NRG1: variants seen among roughly 807,000 people sequenced by gnomAD.
NRG1 encodes the protein neuregulin 1.
Under a neutral mutation model 63.8 loss-of-function variants are expected in NRG1, and 18 were observed. The observed-to-expected ratio is 0.28, with a 90% CI of 0.19 to 0.42. The LOEUF (loss-of-function observed/expected upper bound fraction) is 0.42. NRG1 is among the 10% of genes least tolerant of loss of function. NRG1 has a pLI of 1.00. For synonymous variants in NRG1, 302 were observed against 301.3 expected (o/e 1.00, Z -0.02); for missense variants, 762 against 814.7 (o/e 0.94, Z 0.79).
intron 1 of NRG1, among the ~76,000 whole-genome samples, chr8:32,046,355 C>G (rs1820996694): frequency 6.6e-6 from 1 of 151,980 alleles, no homozygotes; most frequent in Non-Finnish European, 1.5e-5. Context: ...TATAGGGATA[C>G]AAAATGGCAA....
intron 1 of NRG1, among the ~76,000 whole-genome samples, chr8:32,385,335 T>G: frequency 6.6e-6 from 1 of 152,186 alleles, no homozygotes; most frequent in East Asian, 1.9e-4. Context: ...GGCCTCTCTT[T>G]TTTGAATGAG....
intron 1 of NRG1, among the ~76,000 whole-genome samples, chr8:31,701,068 G>T (rs1238010780): frequency 6.6e-6 from 1 of 152,152 alleles, no homozygotes; most frequent in East Asian, 1.9e-4. Context: ...TATTAGTCAT[G>T]TGAATTCAGA....
At chr8:31,664,144 T>A (rs1806290151) in intron 1 of NRG1, among the ~76,000 whole-genome samples, 1 of 152,192 alleles carries the variant, frequency 6.6e-6, no homozygotes, top group Non-Finnish European at 1.5e-5. Flanking sequence ...CCACATACCC[T>A]CTTCACGGTT....
intron 1 of NRG1, among the ~76,000 whole-genome samples, chr8:32,555,604 T>G (rs569477358): frequency 2.7e-4 from 41 of 152,292 alleles, no homozygotes; most frequent in African/African-American, 8.9e-4. Flanking sequence ...CCCGAGTAGC[T>G]GGGACTACAG....
At chr8:32,109,608 C>T (rs1378195478) in intron 1 of NRG1, among the ~76,000 whole-genome samples, 3 of 152,080 alleles carry the variant, frequency 2.0e-5, no homozygotes, top group Admixed American at 6.6e-5. Context: ...TCAAGTCAAA[C>T]ACAAGTGAGG....
rs561846174 is a variant in NRG1 at position 32,716,789 on chromosome 8, C to T, written c.503-11160C>T. 3.2e-4 allele frequency among the ~76,000 whole-genome samples: 46 copies of T among 144,494 alleles called. No individual in the cohort carries two copies. The Middle Eastern group carries it at 0.01, about 33-fold the overall frequency. The allele number at this position is 144,494 out of a possible 152,430, so 94.8% of individuals were successfully genotyped here. A position where few individuals can be genotyped will look rare whatever the true frequency, so the allele number is the denominator to read the frequency against. On this transcript the variant is annotated intron_variant, in intron 5 of 11. Coordinates refer to ENST00000356819, the Ensembl canonical transcript of NRG1. ...TTCTAACAACTGCATGATGTGTGTG[C>T]GTGCGTGTGTGCATGTGTGTGTGTG...
chr8:31,851,810 C>T (rs866345196), intron 1 of NRG1, among the ~76,000 whole-genome samples: 2,530 of 144,416 alleles, frequency 0.018, 80 homozygotes, highest in African/African-American at 0.061. Flanking sequence ...TTCCTGTGTC[C>T]ATGTGTTCTC....
chr8:32,399,299 G>A (rs1014223623), intron 1 of NRG1, among the ~76,000 whole-genome samples: 15 of 152,212 alleles, frequency 9.9e-5, no homozygotes, highest in Non-Finnish European at 2.1e-4. Context: ...AATGTAATTA[G>A]AACCTTCTGT....
At chr8:32,550,013 C>T (rs993209211) in intron 1 of NRG1, among the ~76,000 whole-genome samples, 3 of 152,166 alleles carry the variant, frequency 2.0e-5, no homozygotes, top group African/African-American at 7.2e-5. Context: ...GTATTTGTCC[C>T]TTGCTGGAAG....
chr8:31,868,994 T>C (rs1829243739), intron 1 of NRG1, among the ~76,000 whole-genome samples: 1 of 152,250 alleles, frequency 6.6e-6, no homozygotes, highest in Admixed American at 6.5e-5. Flanking sequence ...TCTGTAAAGT[T>C]AGCTAATGGC....
chr8:32,140,947 C>T (rs184378487), intron 1 of NRG1, among the ~76,000 whole-genome samples: 1 of 152,118 alleles, frequency 6.6e-6, no homozygotes, highest in Non-Finnish European at 1.5e-5. Flanking sequence ...CCTTCTCTCT[C>T]TCTCTCTCTC....
chr8:32,412,652 T>C lies in NRG1; in HGVS notation c.38-183176T>C, dbSNP rs535201763. Among the ~76,000 whole-genome samples the C allele has an allele frequency of 5.9e-5, 9 of 151,826 alleles. No homozygotes were observed. The East Asian group carries it at 1.7e-3, about 29-fold the overall frequency. On this transcript the variant is annotated intron_variant, in intron 1 of 10. Transcript: ENST00000519301. Reference sequence around the variant, plus strand: ...ATGGTTTGCTGCACACCTAACCTGATGCACACTGAGGCTTTATGGGATAGC... The same window carrying C: ...ATGGTTTGCTGCACACCTAACCTGACGCACACTGAGGCTTTATGGGATAGC...
chr8:32,762,403 G>A (rs1830891459), intron 11 of NRG1, among the ~76,000 whole-genome samples: 1 of 152,102 alleles, frequency 6.6e-6, no homozygotes, highest in Non-Finnish European at 1.5e-5. Flanking sequence ...AAATATTCCT[G>A]AACCTAGAGA....
chr8:32,750,630 T>C (rs918756886), intron 7 of NRG1, among the ~76,000 whole-genome samples: 1 of 151,026 alleles, frequency 6.6e-6, no homozygotes, highest in Non-Finnish European at 1.5e-5. Flanking sequence ...ATAATGTAGT[T>C]TCCAGACTTT....
At chr8:31,809,076 C>T (rs1198104103) in intron 1 of NRG1, among the ~76,000 whole-genome samples, 2 of 151,922 alleles carry the variant, frequency 1.3e-5, no homozygotes, top group African/African-American at 2.4e-5. Context: ...CTTGTGAAGA[C>T]ATTCAATATT....
At chr8:32,224,764 A>T (rs1563926148) in intron 1 of NRG1, among the ~76,000 whole-genome samples, 1 of 152,210 alleles carries the variant, frequency 6.6e-6, no homozygotes, top group African/African-American at 2.4e-5. Flanking sequence ...CATAGGGGTC[A>T]GAAGGTGTGG....
At chr8:31,893,650 A>G (rs1211946774) in intron 1 of NRG1, among the ~76,000 whole-genome samples, 1 of 151,176 alleles carries the variant, frequency 6.6e-6, no homozygotes, top group Non-Finnish European at 1.5e-5. Context: ...ATAAATAAGC[A>G]AATTTTGAAG....
intron 1 of NRG1, among the ~76,000 whole-genome samples, chr8:32,105,933 T>G (rs932732792): frequency 3.9e-5 from 6 of 152,084 alleles, no homozygotes; most frequent in Non-Finnish European, 7.4e-5. Context: ...GGGTTTCTTT[T>G]GAGCAGTGGA....
At chr8:32,206,011 G>T (rs185699519) in intron 1 of NRG1, among the ~76,000 whole-genome samples, 1 of 152,132 alleles carries the variant, frequency 6.6e-6, no homozygotes, top group African/African-American at 2.4e-5. Flanking sequence ...GGAGGCTGAG[G>T]TGGGAGAATC....
Sources: gnomAD v4.1 joint callset for allele counts (sites outside exome capture counted in the v4.1 genomes callset) on GRCh38, gnomAD v4.1.1 for gene constraint, MANE v1.5 for transcripts, NCBI Gene and HGNC (gene_info 2026-07-23, HGNC 2026-07-21) for gene names.